The following FSTL4 variants were observed in gnomAD, a reference collection of about 807,000 sequenced individuals.
FSTL4 encodes follistatin-related protein 4.
Under a neutral mutation model 78.2 loss-of-function variants are expected in FSTL4, and 28 were observed. The observed-to-expected ratio is 0.36, with a 90% CI of 0.27 to 0.49. The LOEUF (loss-of-function observed/expected upper bound fraction) is 0.49. Among genes scored for constraint, FSTL4 ranks in the 20% least tolerant of loss-of-function variants. FSTL4 has a pLI of 0.98. For missense variants in FSTL4, 922 were observed against 1,084.9 expected (o/e 0.85, Z 2.11); for synonymous variants, 422 against 440.5 (o/e 0.96, Z 0.53).
At chr5:133,409,791 G>C (rs1051289154) in intron 3 of FSTL4, among the ~76,000 whole-genome samples, 1 of 152,184 alleles carries the variant, frequency 6.6e-6, no homozygotes, top group African/African-American at 2.4e-5. Context: ...TCCATCAATG[G>C]TTTTACAGAA....
At chr5:133,321,594 C>A (rs1171235596) in intron 4 of FSTL4, among the ~76,000 whole-genome samples, 1 of 152,194 alleles carries the variant, frequency 6.6e-6, no homozygotes, top group African/African-American at 2.4e-5. Flanking sequence ...GCCTATAATC[C>A]TAGCACTTTG....
the FSTL4 span, among the ~76,000 whole-genome samples, chr5:133,717,503 C>T: frequency 2.0e-5 from 3 of 152,100 alleles, no homozygotes; most frequent in Non-Finnish European, 2.9e-5. Flanking sequence ...TTTCCACTCT[C>T]GAGTAACCAG....
the FSTL4 span, among the ~76,000 whole-genome samples, chr5:133,797,487 A>G: frequency 1.3e-5 from 2 of 152,218 alleles, no homozygotes; most frequent in East Asian, 1.9e-4. Context: ...GCTCTGTTCC[A>G]TCTGTCTTAG....
chr5:133,282,103 G>A (rs1268781074), intron 6 of FSTL4, among the ~76,000 whole-genome samples: 1 of 152,190 alleles, frequency 6.6e-6, no homozygotes, highest in Non-Finnish European at 1.5e-5. Context: ...GATGAGAAGA[G>A]ACATGGGAAA....
chr5:133,613,591 C>G (rs1243937091), upstream of FSTL4, among the ~76,000 whole-genome samples: 5 of 152,234 alleles, frequency 3.3e-5, no homozygotes, highest in East Asian at 9.6e-4. Context: ...TGCCGCTGAA[C>G]CCCTCCAATG....
In FSTL4 at chr5:133,225,836, G is replaced by A; in HGVS notation, c.1016-17C>T. ...CTGGCGGCACTGTGGGTGAGAGTCA[G>A]TGCTGGTGAGAAAGAGACGGCCCTG... On this transcript the variant is annotated splice_polypyrimidine_tract_variant and intron_variant, in intron 8 of 15. Transcript: ENST00000265342. This position sits in a 1 kb window ranked among gnomAD's most constrained non-coding sequence, Gnocchi z 4.6. 2.0e-6 allele frequency: 3 copies of A among 1,529,186 alleles called. No individual in the cohort carries two copies. Among genetic ancestry groups the A allele is most frequent in the Non-Finnish European group, 2.6e-6 (3 of 1,140,084 alleles). 94.7% of individuals were successfully genotyped at this position (1,529,186 alleles called of 1,614,324 possible).
At chr5:133,273,097 C>T (rs1244221877) in intron 6 of FSTL4, among the ~76,000 whole-genome samples, 1 of 152,210 alleles carries the variant, frequency 6.6e-6, no homozygotes, top group Non-Finnish European at 1.5e-5. Context: ...TTCTGACCTT[C>T]CTGGTTGACT....
the FSTL4 span, among the ~76,000 whole-genome samples, chr5:133,637,899 C>T: frequency 1.3e-5 from 2 of 151,620 alleles, no homozygotes; most frequent in African/African-American, 4.9e-5. Flanking sequence ...CGAGATTGTG[C>T]CACTGCACTC....
rs185350075 is a variant in FSTL4, at chr5:133,224,823, G to A, written c.1312+327C>T. Among the ~76,000 whole-genome samples, 5 of 152,316 alleles carry A rather than the reference G, an allele frequency of 3.3e-5. No individual in the cohort carries two copies. The East Asian group carries it at 5.8e-4, about 18-fold the overall frequency. On this transcript the variant is annotated intron_variant, in intron 10 of 15. Coordinates refer to ENST00000265342, the MANE Select transcript of FSTL4 (RefSeq NM_015082.2). ...GTTCTGGGCCACTGTGGGACATCAC[G>A]TGGATGAAGGGCAGAGGTTCAGGGC...
chr5:133,402,770 A>G (rs545946652), intron 3 of FSTL4, among the ~76,000 whole-genome samples: 1 of 152,352 alleles, frequency 6.6e-6, no homozygotes, highest in East Asian at 1.9e-4. Flanking sequence ...TTGAATCATA[A>G]TAAACTAGAA....
chr5:133,370,309 G>A (rs376975955), intron 4 of FSTL4, among the ~76,000 whole-genome samples: 1 of 152,170 alleles, frequency 6.6e-6, no homozygotes, highest in South Asian at 2.1e-4. Context: ...TGTGGGCAGG[G>A]AGACAGGCTG....
chr5:133,423,038 T>G (rs763995257), intron 3 of FSTL4, among the ~76,000 whole-genome samples: 3 of 152,244 alleles, frequency 2.0e-5, no homozygotes, highest in African/African-American at 4.8e-5. Context: ...CTGTGCAGGC[T>G]CTGAACGGCC....
chr5:133,261,144 G>A (rs546484323), intron 6 of FSTL4, among the ~76,000 whole-genome samples: 1 of 152,276 alleles, frequency 6.6e-6, no homozygotes, highest in African/African-American at 2.4e-5. Context: ...AAATGGGGCT[G>A]GCTAATTCGG....
the FSTL4 span, among the ~76,000 whole-genome samples, chr5:133,739,753 A>G: frequency 1.3e-5 from 2 of 152,202 alleles, no homozygotes; most frequent in Non-Finnish European, 2.9e-5. Context: ...TAATCTTTAC[A>G]ATAATACCTT....
In FSTL4 at chr5:133,400,917, A is replaced by G; in HGVS notation, c.230T>C (p.Val77Ala). ...GGGCTCCCCTGTCTTCCTGCTGAGC[A>G]CGCACCGGCTCCCTCGGCTGCAGAA... ...KKFCSRGSRCVLSRKTGEPEC... is the reference protein window; with the variant it reads ...KKFCSRGSRCALSRKTGEPEC... Residue 77 changes from valine to alanine, a missense_variant, in exon 4 of 16, where the codon GTG becomes GCG. Coordinates refer to ENST00000265342, the MANE Select transcript of FSTL4 (RefSeq NM_015082.2). The G allele has an allele frequency of 6.2e-7, 1 of 1,613,674 alleles. No homozygotes were observed. The highest frequency in any genetic ancestry group is 8.5e-7 in the Non-Finnish European group (1 of 1,180,020).
At chr5:133,331,012 G>T (rs1027590096) in intron 4 of FSTL4, among the ~76,000 whole-genome samples, 30 of 152,192 alleles carry the variant, frequency 2.0e-4, no homozygotes, top group Non-Finnish European at 3.8e-4. Flanking sequence ...GGGATTCAGG[G>T]TCATGCCTGG....
At chr5:133,558,631 GT>G (rs796671857) in intron 3 of FSTL4, among the ~76,000 whole-genome samples, 1,797 of 146,980 alleles carry the variant, frequency 0.012, 33 homozygotes, top group African/African-American at 0.04. Flanking sequence ...AAAGGTTTTT[GT>G]TTTTTTTTTT....
chr5:133,259,683 G>C (rs754119565), intron 6 of FSTL4, among the ~76,000 whole-genome samples: 17 of 151,998 alleles, frequency 1.1e-4, no homozygotes, highest in Non-Finnish European at 2.5e-4. Flanking sequence ...CGGACTGGTG[G>C]GAGAGAGGGA....
At chr5:133,603,797 A>G in intron 2 of FSTL4, 61 bp downstream of exon 2, 1 of 1,550,732 alleles carries the variant, frequency 6.4e-7, no homozygotes, top group Non-Finnish European at 8.9e-7. Context: ...GGGAAATCAG[A>G]TACTGTAACA....
Sources: gnomAD v4.1 joint callset for allele counts (sites outside exome capture counted in the v4.1 genomes callset) on GRCh38, gnomAD v4.1.1 for gene constraint, Gnocchi (gnomAD v3.1) non-coding constraint, MANE v1.5 for transcripts, NCBI Gene and HGNC (gene_info 2026-07-23, HGNC 2026-07-21) for gene names.